Variants in KCNIP4 observed in about 807,000 individuals in gnomAD.
KCNIP4 encodes the protein Kv channel-interacting protein 4.
In KCNIP4, 12 loss-of-function variants were observed where a neutral mutation model predicts 34.0. That is an observed-to-expected ratio of 0.35 (90% CI 0.23 to 0.57). The LOEUF is 0.57. Among genes scored for constraint, KCNIP4 ranks in the 20% least tolerant of loss-of-function variants. The pLI is 0.83. For missense variants in KCNIP4, 238 were observed against 311.7 expected (o/e 0.76, Z 1.78); for synonymous variants, 124 against 102.2 (o/e 1.21, Z -1.29).
intron 1 of KCNIP4, among the ~76,000 whole-genome samples, chr4:20,900,444 T>C (rs1035690187): frequency 1.3e-5 from 2 of 152,212 alleles, no homozygotes; most frequent in African/African-American, 4.8e-5. Flanking sequence ...AGGCCTAGCA[T>C]TGACTGTTCA....
At chr4:20,936,136 T>C (rs1731035190) in intron 1 of KCNIP4, among the ~76,000 whole-genome samples, 1 of 152,166 alleles carries the variant, frequency 6.6e-6, no homozygotes, top group African/African-American at 2.4e-5. Context: ...TATTGAACTG[T>C]TATTCAAAGG....
At chr4:20,946,181 C>T (rs1732175103) in intron 1 of KCNIP4, among the ~76,000 whole-genome samples, 1 of 152,074 alleles carries the variant, frequency 6.6e-6, no homozygotes, top group South Asian at 2.1e-4. Context: ...AACATATGTC[C>T]AGGAAAACTT....
rs1247932702 is a variant in KCNIP4 at position 20,925,642 on chromosome 4, T to C, written c.62-42933A>G. 1.3e-5 allele frequency among the ~76,000 whole-genome samples: 2 copies of C among 152,228 alleles called. 1 individual carries two copies. The highest frequency in any genetic ancestry group is 4.1e-4 in the South Asian group (2 of 4,824). ...GTGAACTTGCTTTCACATTACTCTA[T>C]GGACTTGCCCTGAATTCTTTCTTGG... On this transcript the variant is annotated intron_variant, in intron 1 of 8. Transcript: ENST00000382152.
At chr4:21,244,366 A>G (rs748689610) in intron 1 of KCNIP4, among the ~76,000 whole-genome samples, 2 of 152,212 alleles carry the variant, frequency 1.3e-5, no homozygotes, top group Non-Finnish European at 2.9e-5. Flanking sequence ...TCACTCCTAA[A>G]ACAGTTTCAT....
chr4:21,408,322 G>A (rs1724181654), intron 1 of KCNIP4, among the ~76,000 whole-genome samples: 1 of 152,214 alleles, frequency 6.6e-6, no homozygotes, highest in African/African-American at 2.4e-5. Flanking sequence ...ATTGAGGGTA[G>A]CCTGTTTTGT....
chr4:21,670,767 T>C (rs1049747754), intron 1 of KCNIP4, among the ~76,000 whole-genome samples: 1 of 152,074 alleles, frequency 6.6e-6, no homozygotes, highest in Non-Finnish European at 1.5e-5. Flanking sequence ...GCCATTCTCC[T>C]GCCTCAGCCT....
intron 1 of KCNIP4, among the ~76,000 whole-genome samples, chr4:20,884,788 A>G (rs948225222): frequency 1.1e-4 from 16 of 150,480 alleles, no homozygotes; most frequent in African/African-American, 3.4e-4. Flanking sequence ...GTTCACTGCA[A>G]CCTCCAGGTT....
chr4:21,607,155 T>C (rs925681753), intron 1 of KCNIP4, among the ~76,000 whole-genome samples: 12 of 152,066 alleles, frequency 7.9e-5, no homozygotes, highest in African/African-American at 2.4e-4. Context: ...TGGAGCCATA[T>C]TGTCTAGATT....
chr4:20,910,894 A>G (rs1273153080), intron 1 of KCNIP4, among the ~76,000 whole-genome samples: 3 of 152,186 alleles, frequency 2.0e-5, no homozygotes, highest in African/African-American at 7.2e-5. Context: ...GGACCTGGTT[A>G]TTAACGGAAG....
intron 1 of KCNIP4, among the ~76,000 whole-genome samples, chr4:21,513,806 A>G (rs1734534703): frequency 6.6e-6 from 1 of 152,240 alleles, no homozygotes; most frequent in Non-Finnish European, 1.5e-5. Flanking sequence ...AGGAATGAAA[A>G]GAATCCAAAT....
intron 2 of KCNIP4, among the ~76,000 whole-genome samples, chr4:20,879,249 T>G (rs975530631): frequency 4.6e-5 from 7 of 152,176 alleles, no homozygotes; most frequent in African/African-American, 1.7e-4. Context: ...GCGATACTAG[T>G]GTCAGGTGGA....
intron 1 of KCNIP4, among the ~76,000 whole-genome samples, chr4:21,350,473 T>A (rs1012749448): frequency 6.6e-5 from 10 of 152,156 alleles, no homozygotes; most frequent in South Asian, 2.1e-4. Context: ...GTACAAGGCA[T>A]GAAACAAACT....
intron 1 of KCNIP4, among the ~76,000 whole-genome samples, chr4:21,349,336 T>C (rs1158016859): frequency 2.0e-5 from 3 of 152,080 alleles, no homozygotes; most frequent in Non-Finnish European, 4.4e-5. Flanking sequence ...GAAGAGTAAA[T>C]TGAGTCAGAA....
intron 1 of KCNIP4, among the ~76,000 whole-genome samples, chr4:21,054,865 A>T (rs958203341): frequency 6.6e-6 from 1 of 152,194 alleles, no homozygotes; most frequent in African/African-American, 2.4e-5. Context: ...TGGTAATGAC[A>T]TTTTAGATAC....
At chr4:21,067,705 T>A (rs1444819996) in intron 1 of KCNIP4, among the ~76,000 whole-genome samples, 2 of 152,050 alleles carry the variant, frequency 1.3e-5, no homozygotes, top group Non-Finnish European at 2.9e-5. Flanking sequence ...GCAGTCCCAG[T>A]GGTGGTGGCC....
chr4:21,676,667 A>G (rs1032353014), intron 1 of KCNIP4, among the ~76,000 whole-genome samples: 2 of 152,214 alleles, frequency 1.3e-5, no homozygotes, highest in African/African-American at 4.8e-5. Context: ...TGTAGACAAC[A>G]TTAATGAGAT....
chr4:21,206,594 C>T (rs368423658), intron 1 of KCNIP4, among the ~76,000 whole-genome samples: 53 of 152,144 alleles, frequency 3.5e-4, no homozygotes, highest in African/African-American at 1.1e-3. Flanking sequence ...AGATTCCAGC[C>T]TCATTTTTGC....
intron 1 of KCNIP4, among the ~76,000 whole-genome samples, chr4:21,439,529 C>T (rs1328743388): frequency 6.6e-6 from 1 of 152,224 alleles, no homozygotes; most frequent in Non-Finnish European, 1.5e-5. Context: ...ATGTACACAT[C>T]TTCCAAGACT....
At position 20,908,131 on chromosome 4, in the gene KCNIP4, G is replaced by A. The variant is rs1180492758; in HGVS notation, c.62-25422C>T. On this transcript the variant is annotated intron_variant, in intron 1 of 8. Coordinates refer to ENST00000382152, the MANE Select transcript of KCNIP4 (RefSeq NM_025221.6). ...TTTTTTTTTTTTGAGACAGAGTCTC[G>A]CTCTGTGGCCCAGGCTAGAGTGCAA... 4.5e-5 allele frequency among the ~76,000 whole-genome samples: 6 copies of A among 133,996 alleles called. No homozygotes were observed. The East Asian group carries it at 6.5e-4, about 14-fold the overall frequency. The allele number at this position is 133,996 out of a possible 152,430, so 87.9% of individuals were successfully genotyped here.
Sources: allele counts gnomAD v4.1 joint callset (sites outside exome capture counted in the v4.1 genomes callset), GRCh38; gene constraint gnomAD v4.1.1; transcripts MANE v1.5; gene names NCBI Gene and HGNC (gene_info 2026-07-23, HGNC 2026-07-21).